Variants in ADGRV1 observed in about 807,000 individuals in gnomAD.
The protein encoded by ADGRV1 is G-protein coupled receptor 98.
In ADGRV1, 359 loss-of-function variants were observed where a neutral mutation model predicts 596.2. That is an observed-to-expected ratio of 0.60 (90% CI 0.55 to 0.66). The LOEUF is 0.66. ADGRV1 is among the 30% of genes least tolerant of loss of function. The pLI, the probability that ADGRV1 is intolerant of heterozygous loss-of-function variation, is 0.00. For missense variants in ADGRV1, 7,274 were observed against 7,575.6 expected (o/e 0.96, Z 1.48); for synonymous variants, 2,681 against 2,679.2 (o/e 1.00, Z -0.02).
chr5:90,743,035 G>A (rs77114863), intron 50 of ADGRV1, among the ~76,000 whole-genome samples: 2,194 of 152,270 alleles, frequency 0.014, 44 homozygotes, highest in African/African-American at 0.051. Context: ...ATAGAGTTTA[G>A]AGGAGGGTCT....
At chr5:90,947,458 A>AT (rs1776677757) in intron 83 of ADGRV1, among the ~76,000 whole-genome samples, 1 of 151,796 alleles carries the variant, frequency 6.6e-6, no homozygotes, top group Non-Finnish European at 1.5e-5. Flanking sequence ...CCCATTTTTC[A>AT]ATTTTTGCTT....
chr5:90,696,796 T>C, intron 33 of ADGRV1, 141 bp from the exon 34 acceptor site: 1 of 500,496 alleles, frequency 2.0e-6, no homozygotes, highest in East Asian at 3.0e-5. Context: ...AATTTGCTTA[T>C]GTTGCCCATG....
At chr5:90,887,731 A>G (rs1770441622) in intron 83 of ADGRV1, among the ~76,000 whole-genome samples, 3 of 152,182 alleles carry the variant, frequency 2.0e-5, no homozygotes, top group Admixed American at 2.0e-4. Flanking sequence ...TGTAAACCTA[A>G]AAACTAAAAC....
chr5:90,754,341 T>C (rs1056206840), intron 54 of ADGRV1, among the ~76,000 whole-genome samples: 1 of 152,224 alleles, frequency 6.6e-6, no homozygotes, highest in Non-Finnish European at 1.5e-5. Flanking sequence ...TCATATTAGC[T>C]GCTGGTGAAG....
chr5:90,977,621 T>C (rs780893774), intron 84 of ADGRV1, among the ~76,000 whole-genome samples: 44 of 152,218 alleles, frequency 2.9e-4, no homozygotes, highest in Non-Finnish European at 4.1e-4. Context: ...AACTATGGCC[T>C]ATGACAATCA....
chr5:90,646,327 C>T (rs1049696437), intron 16 of ADGRV1, among the ~76,000 whole-genome samples: 1 of 151,734 alleles, frequency 6.6e-6, no homozygotes, highest in African/African-American at 2.4e-5. Flanking sequence ...TTGACTAATA[C>T]TTCAAAAATT....
At chr5:90,875,949 A>G (rs908971394) in intron 83 of ADGRV1, among the ~76,000 whole-genome samples, 2 of 152,228 alleles carry the variant, frequency 1.3e-5, no homozygotes, top group Non-Finnish European at 2.9e-5. Context: ...CCATTAAAAT[A>G]TGGCTATAAA....
chr5:90,598,665 C>T (rs1231537115), intron 1 of ADGRV1, among the ~76,000 whole-genome samples: 1 of 152,122 alleles, frequency 6.6e-6, no homozygotes, highest in Non-Finnish European at 1.5e-5. Context: ...ACCAGACCTC[C>T]TTTAGGAATG....
chr5:90,994,114 G>A (rs1483397051), intron 85 of ADGRV1, among the ~76,000 whole-genome samples: 1 of 150,714 alleles, frequency 6.6e-6, no homozygotes, highest in Admixed American at 6.6e-5. Context: ...CTGGACTGGA[G>A]TGCAATGACA....
chr5:90,836,718 G>A (rs538416465), intron 77 of ADGRV1, among the ~76,000 whole-genome samples: 8 of 152,172 alleles, frequency 5.3e-5, no homozygotes, highest in Non-Finnish European at 1.2e-4. Flanking sequence ...TGTTACTAAT[G>A]AAGGAGTTTG....
intron 48 of ADGRV1, among the ~76,000 whole-genome samples, chr5:90,728,460 T>A (rs10074104): frequency 1.3e-5 from 2 of 152,028 alleles, no homozygotes; most frequent in Non-Finnish European, 2.9e-5. Context: ...TGTGTACTTA[T>A]GTGCATAGAC....
At chr5:90,826,459 A>G (rs1764082413) in intron 76 of ADGRV1, among the ~76,000 whole-genome samples, 1 of 152,180 alleles carries the variant, frequency 6.6e-6, no homozygotes. Flanking sequence ...CTCTTCTACC[A>G]ATTAGCTGGG....
chr5:90,989,356 C>A (rs1196121443), intron 85 of ADGRV1, among the ~76,000 whole-genome samples: 1 of 152,160 alleles, frequency 6.6e-6, no homozygotes, highest in African/African-American at 2.4e-5. Flanking sequence ...TATGAAATGT[C>A]CACTATCCAC....
chr5:91,061,877 T>TA (rs1170360027), intron 85 of ADGRV1, among the ~76,000 whole-genome samples: 1 of 152,238 alleles, frequency 6.6e-6, no homozygotes, highest in African/African-American at 2.4e-5. Context: ...AGTTGTGTGT[T>TA]CACTCCCTTT....
chr5:90,916,787 T>G (rs901043969), intron 83 of ADGRV1, among the ~76,000 whole-genome samples: 1 of 134,452 alleles, frequency 7.4e-6, no homozygotes, highest in Non-Finnish European at 1.6e-5. Context: ...CGCCCGCCAC[T>G]ACGCCCGGCT....
intron 47 of ADGRV1, 93 bp from the exon 48 acceptor site, chr5:90,725,456 G>A: frequency 1.3e-6 from 1 of 791,514 alleles, no homozygotes; most frequent in East Asian, 2.6e-5. Flanking sequence ...TTTAAGTCTT[G>A]CACTTCAGAT....
Position 91,164,106 on chromosome 5 carries a change from G to C in ADGRV1, c.*206G>C, listed in dbSNP as rs1053060235. ...GCTATAAGAAAGGTGGAGTCAGTTTGTATCAGTTAATAGGATGTTCATATT... is the reference window on the plus strand; with the variant it reads ...GCTATAAGAAAGGTGGAGTCAGTTTCTATCAGTTAATAGGATGTTCATATT... On this transcript the variant is annotated 3_prime_UTR_variant, in exon 90 of 90. Transcript: ENST00000405460. 4.5e-6 allele frequency: 3 copies of C among 661,070 alleles called. No individual in the cohort carries two copies. Among genetic ancestry groups the C allele is most frequent in the Admixed American group, 2.1e-5 (1 of 48,636 alleles). 41.0% of individuals were successfully genotyped at this position (661,070 alleles called of 1,614,324 possible).
chr5:90,712,390 A>ATCCTTCTCCTGGACTAGAGC lies in ADGRV1; in HGVS notation c.9148_9167dup (p.Gly3057LeufsTer5). 6.3e-7 allele frequency: 1 copy of ATCCTTCTCCTGGACTAGAGC among 1,590,610 alleles called. No homozygotes were observed. Among genetic ancestry groups the ATCCTTCTCCTGGACTAGAGC allele is most frequent in the Non-Finnish European group, 8.6e-7 (1 of 1,165,602 alleles). On this transcript the variant is annotated frameshift_variant, in exon 42 of 90. Coordinates refer to ENST00000405460, the MANE Select transcript of ADGRV1 (RefSeq NM_032119.4). LOFTEE classifies it high-confidence loss of function. ...GAAAAATTTCAGCTGATTTTAACAA[A>ATCCTTCTCCTGGACTAGAGC]TCCTTCTCCTGGACTAGAGCTAGGG...
intron 21 of ADGRV1, among the ~76,000 whole-genome samples, chr5:90,668,379 G>A (rs546838073): frequency 7.9e-5 from 12 of 152,104 alleles, no homozygotes; most frequent in Non-Finnish European, 1.8e-4. Flanking sequence ...TTTTCCAGGT[G>A]CCGTCCGTCA....
Sources: gnomAD v4.1 joint callset for allele counts (sites outside exome capture counted in the v4.1 genomes callset) on GRCh38, gnomAD v4.1.1 for gene constraint, MANE v1.5 for transcripts, NCBI Gene and HGNC (gene_info 2026-07-23, HGNC 2026-07-21) for gene names.